Variants in SOCS2 observed in about 807,000 individuals in gnomAD.
SOCS2 encodes CIS-2.
A neutral mutation model predicts 18.6 loss-of-function variants in SOCS2; 10 were observed. That is an observed-to-expected ratio of 0.54 (90% CI 0.33 to 0.91). The LOEUF (loss-of-function observed/expected upper bound fraction) is 0.91. Ranked by LOEUF, SOCS2 falls within the 40% of genes least tolerant of loss-of-function variation. The pLI, the probability that SOCS2 is intolerant of heterozygous loss-of-function variation, is 0.02. For missense variants in SOCS2, 231 were observed against 247.2 expected (o/e 0.93, Z 0.44); for synonymous variants, 104 against 104.0 (o/e 1.00, Z 0.00).
chr12:93,587,214 C>G (rs768693553), downstream of SOCS2, among the ~76,000 whole-genome samples: 1 of 152,022 alleles, frequency 6.6e-6, no homozygotes, highest in Admixed American at 6.6e-5. Context: ...CAAGGAGATT[C>G]TGTATAGCAG....
the SOCS2 span, among the ~76,000 whole-genome samples, chr12:93,614,408 TCTTTCTTTCTTC>T: frequency 2.0e-4 from 23 of 117,330 alleles, 1 homozygote; most frequent in South Asian, 9.3e-4. Flanking sequence ...TTTCTTTCTT[TCTTTCTTTCTTC>T]CTTTCTTTCC....
At chr12:93,606,884 C>G in the SOCS2 span, among the ~76,000 whole-genome samples, 2 of 152,146 alleles carry the variant, frequency 1.3e-5, no homozygotes, top group Non-Finnish European at 1.5e-5. Context: ...AACTCCTGGC[C>G]TCAAGTGATC....
At chr12:93,615,632 G>C in the SOCS2 span, among the ~76,000 whole-genome samples, 8 of 152,204 alleles carry the variant, frequency 5.3e-5, no homozygotes, top group Non-Finnish European at 8.8e-5. Context: ...GTCTCGATCT[G>C]TCACCCAGGC....
At chr12:93,611,086 T>G in the SOCS2 span, among the ~76,000 whole-genome samples, 2 of 152,160 alleles carry the variant, frequency 1.3e-5, no homozygotes, top group African/African-American at 4.8e-5. Flanking sequence ...GTCCCCCTAG[T>G]TTCCTGGCCT....
chr12:93,592,998 A>G, the SOCS2 span, among the ~76,000 whole-genome samples: 2 of 151,072 alleles, frequency 1.3e-5, no homozygotes, highest in South Asian at 2.1e-4. Flanking sequence ...ATTAAGCACA[A>G]CTATAGTAAA....
At chr12:93,580,420 G>C (rs961315573), downstream of SOCS2, among the ~76,000 whole-genome samples, 2 of 151,954 alleles carry the variant, frequency 1.3e-5, no homozygotes, top group Admixed American at 6.6e-5. Flanking sequence ...TCAGGAGTTC[G>C]AGCCAGCCTG....
the SOCS2 span, among the ~76,000 whole-genome samples, chr12:93,599,085 C>T: frequency 7.9e-5 from 12 of 151,220 alleles, no homozygotes; most frequent in African/African-American, 2.9e-4. Context: ...GCTTACTAGT[C>T]ACTATTTTTT....
the SOCS2 span, among the ~76,000 whole-genome samples, chr12:93,619,325 T>C: frequency 3.3e-5 from 5 of 151,924 alleles, no homozygotes; most frequent in Non-Finnish European, 7.4e-5. Context: ...CCTTACACAG[T>C]CCATAGGGGT....
In SOCS2 at chr12:93,572,837, G is replaced by A. The variant is rs538768287; in HGVS notation, c.-61G>A. On this transcript the variant is annotated 5_prime_UTR_variant, in exon 1 of 2. Transcript: ENST00000551556. This position sits in a 1 kb window ranked among gnomAD's most constrained non-coding sequence, Gnocchi z 5.0. ...TCGCACTGACTTCAAGGAAGGACGC[G>A]AACCCTTCTCTGACCCCAGCTCGGG... The A allele has an allele frequency of 1.3e-6, 2 of 1,551,926 alleles. No individual in the cohort carries two copies. The highest frequency in any genetic ancestry group is 2.7e-5 in the African/African-American group (2 of 73,094).
chr12:93,600,713 A>G, the SOCS2 span, among the ~76,000 whole-genome samples: 2 of 150,786 alleles, frequency 1.3e-5, no homozygotes, highest in Non-Finnish European at 2.9e-5. Context: ...AAGTTACGTA[A>G]AGTTTTTTTT....
chr12:93,598,777 A>C, the SOCS2 span, among the ~76,000 whole-genome samples: 1 of 152,252 alleles, frequency 6.6e-6, no homozygotes, highest in Non-Finnish European at 1.5e-5. Context: ...TTACTCCTGT[A>C]CACAATTCTG....
rs934726618 is a variant in SOCS2 at position 93,575,766 on chromosome 12, A to G, written c.*587A>G. The G allele has an allele frequency of 2.6e-5, 4 of 152,728 alleles. No homozygotes were observed. Among genetic ancestry groups the G allele is most frequent in the African/African-American group, 9.6e-5 (4 of 41,470 alleles). The allele number at this position is 152,728 out of a possible 1,614,324, so 9.5% of individuals were successfully genotyped here. A position where few individuals can be genotyped will look rare whatever the true frequency, so the allele number is the denominator to read the frequency against. On this transcript the variant is annotated 3_prime_UTR_variant, in exon 2 of 2. Transcript: ENST00000551556. ...GAAGTCCTGTATTTGTCTTTTTACT[A>G]CATGTAGGAACTCTCATGTGAATGA...
chr12:93,591,910 A>T, the SOCS2 span, among the ~76,000 whole-genome samples: 1 of 152,154 alleles, frequency 6.6e-6, no homozygotes, highest in Non-Finnish European at 1.5e-5. Flanking sequence ...GTGGCCAGGG[A>T]TGTGGCTTCT....
At chr12:93,619,425 C>G in the SOCS2 span, among the ~76,000 whole-genome samples, 2 of 152,280 alleles carry the variant, frequency 1.3e-5, no homozygotes, top group East Asian at 3.9e-4. Context: ...ACATTGCTTG[C>G]TACATAGGTG....
chr12:93,570,188 C>T (rs1498708), upstream of SOCS2: 31,253 of 152,258 alleles, frequency 0.21, 3,992 homozygotes, highest in African/African-American at 0.36. Context: ...AAGCCCCTTC[C>T]GGGCGCGCAG....
the SOCS2 span, among the ~76,000 whole-genome samples, chr12:93,608,365 A>G: frequency 1.3e-5 from 2 of 152,076 alleles, no homozygotes; most frequent in African/African-American, 4.8e-5. Context: ...TGATGAATGT[A>G]TATAGGAGGG....
At chr12:93,598,351 G>C in the SOCS2 span, among the ~76,000 whole-genome samples, 3 of 152,132 alleles carry the variant, frequency 2.0e-5, no homozygotes, top group African/African-American at 7.2e-5. Context: ...TGGGAGGAGA[G>C]GGGGAGATTA....
At chr12:93,578,827 ACT>A (rs1278548719), downstream of SOCS2, among the ~76,000 whole-genome samples, 1 of 151,770 alleles carries the variant, frequency 6.6e-6, no homozygotes, top group Non-Finnish European at 1.5e-5. Context: ...AATTGCCGAG[ACT>A]CTTCTTTGCT....
chr12:93,586,469 T>C (rs1013101566), downstream of SOCS2, among the ~76,000 whole-genome samples: 1 of 152,226 alleles, frequency 6.6e-6, no homozygotes, highest in Non-Finnish European at 1.5e-5. Flanking sequence ...GAAAATTCTA[T>C]TGTAAATTCC....
Sources: allele counts gnomAD v4.1 joint callset (sites outside exome capture counted in the v4.1 genomes callset), GRCh38; gene constraint gnomAD v4.1.1; non-coding constraint Gnocchi (gnomAD v3.1); transcripts MANE v1.5; gene names NCBI Gene and HGNC (gene_info 2026-07-23, HGNC 2026-07-21).